Variants in PTPRD observed in about 807,000 individuals in gnomAD.
PTPRD encodes receptor-type tyrosine-protein phosphatase delta.
In PTPRD, 34 loss-of-function variants were observed where a neutral mutation model predicts 214.5. The observed-to-expected ratio is 0.16, with a 90% CI of 0.12 to 0.21. The LOEUF is 0.21. Among genes scored for constraint, PTPRD ranks in the 10% least tolerant of loss-of-function variants. The pLI is 1.00. For missense variants in PTPRD, 2,545 were observed against 2,398.7 expected, an observed-to-expected ratio of 1.06 and a Z score of -1.27; for synonymous variants, 1,128 against 845.7, an observed-to-expected ratio of 1.33 and a Z score of -5.79.
intron 9 of PTPRD, among the ~76,000 whole-genome samples, chr9:9,340,408 C>A (rs1172759669): frequency 6.6e-6 from 1 of 152,114 alleles, no homozygotes; most frequent in Non-Finnish European, 1.5e-5. Flanking sequence ...TCTTTTTAAC[C>A]TTTTAATTAT....
intron 12 of PTPRD, among the ~76,000 whole-genome samples, chr9:8,723,633 A>C (rs1048500373): frequency 6.6e-6 from 1 of 152,218 alleles, no homozygotes; most frequent in African/African-American, 2.4e-5. Flanking sequence ...ATAAGTATAG[A>C]TATTAGAGGA....
chr9:9,540,518 G>C (rs1273338084), intron 8 of PTPRD, among the ~76,000 whole-genome samples: 1 of 151,764 alleles, frequency 6.6e-6, no homozygotes, highest in African/African-American at 2.4e-5. Flanking sequence ...AGCACAGGTT[G>C]AAACAGCCAG....
chr9:9,620,741 C>T (rs1182876138), intron 7 of PTPRD, among the ~76,000 whole-genome samples: 1 of 152,028 alleles, frequency 6.6e-6, no homozygotes. Context: ...TATATGTTAG[C>T]TCTTCATTTC....
chr9:10,223,836 T>C (rs1437473039), intron 3 of PTPRD, among the ~76,000 whole-genome samples: 1 of 151,422 alleles, frequency 6.6e-6, no homozygotes, highest in African/African-American at 2.4e-5. Context: ...AACATGCTTT[T>C]GCAAATCCTG....
chr9:9,082,458 A>G (rs1302028803), intron 10 of PTPRD, among the ~76,000 whole-genome samples: 1 of 152,148 alleles, frequency 6.6e-6, no homozygotes, highest in African/African-American at 2.4e-5. Flanking sequence ...GTATTTTAAA[A>G]CAATAAGAGG....
chr9:8,436,560 A>T (rs1359117), intron 35 of PTPRD, 32 bp downstream of exon 35: 249,492 of 1,513,950 alleles, frequency 0.16, 23,559 homozygotes, highest in African/African-American at 0.37. Context: ...TAACTCTTGA[A>T]ATTACTGTAA....
At chr9:8,948,116 T>A (rs1161309238) in intron 11 of PTPRD, among the ~76,000 whole-genome samples, 1 of 150,688 alleles carries the variant, frequency 6.6e-6, no homozygotes, top group Non-Finnish European at 1.5e-5. Flanking sequence ...GCCTCCTGGG[T>A]TCGAGCGATT....
intron 10 of PTPRD, among the ~76,000 whole-genome samples, chr9:9,046,963 G>A (rs1052236713): frequency 2.2e-4 from 34 of 152,082 alleles, no homozygotes; most frequent in Admixed American, 7.2e-4. Flanking sequence ...AAATTGGAAT[G>A]GAAAAAGTCA....
At chr9:10,382,577 C>T (rs888715520) in intron 2 of PTPRD, among the ~76,000 whole-genome samples, 1 of 151,782 alleles carries the variant, frequency 6.6e-6, no homozygotes, top group Non-Finnish European at 1.5e-5. Flanking sequence ...TATCATATAC[C>T]CATGTCTACT....
At chr9:10,148,409 A>G (rs775749404) in intron 3 of PTPRD, among the ~76,000 whole-genome samples, 3 of 152,190 alleles carry the variant, frequency 2.0e-5, no homozygotes, top group Non-Finnish European at 2.9e-5. Context: ...CAAAAAGATT[A>G]CAGTCTAGAA....
intron 3 of PTPRD, among the ~76,000 whole-genome samples, chr9:10,334,207 G>A (rs924041764): frequency 4.0e-5 from 6 of 151,814 alleles, no homozygotes; most frequent in Admixed American, 3.3e-4. Flanking sequence ...CTGAAAAAAG[G>A]TTATAAGATA....
intron 9 of PTPRD, among the ~76,000 whole-genome samples, chr9:9,275,142 TA>T (rs1944830215): frequency 3.0e-5 from 2 of 66,674 alleles, no homozygotes; most frequent in Non-Finnish European, 5.0e-5. Context: ...ATATAATATA[TA>T]TATAATATAT....
chr9:8,607,176 G>T (rs1443143120), intron 14 of PTPRD, among the ~76,000 whole-genome samples: 1 of 152,074 alleles, frequency 6.6e-6, no homozygotes, highest in Admixed American at 6.6e-5. Context: ...CGGATATAAA[G>T]AATTCTCACC....
intron 5 of PTPRD, among the ~76,000 whole-genome samples, chr9:9,855,662 A>G (rs915838336): frequency 1.0e-3 from 159 of 152,284 alleles, no homozygotes; most frequent in African/African-American, 3.7e-3. Context: ...CCGCTTCCGC[A>G]CCTGCAGGAG....
rs1352308860 is a variant in PTPRD at position 8,540,443 on chromosome 9, C to G, written c.353-11664G>C. On this transcript the variant is annotated intron_variant, in intron 14 of 45. Coordinates refer to ENST00000381196, the MANE Select transcript of PTPRD (RefSeq NM_002839.4). Reference sequence around the variant, plus strand: ...TAAGGCATAAGTATTTAATTACAAACAATGAACAAAATTGAGTGATAACTC... The same window carrying G: ...TAAGGCATAAGTATTTAATTACAAAGAATGAACAAAATTGAGTGATAACTC... Among the ~76,000 whole-genome samples, 3 of 151,918 alleles carry G rather than the reference C, an allele frequency of 2.0e-5. No homozygotes were observed. In the East Asian group the frequency reaches 5.8e-4, roughly 29 times the overall value.
intron 7 of PTPRD, among the ~76,000 whole-genome samples, chr9:9,578,004 C>A (rs1260917543): frequency 8.3e-6 from 1 of 121,010 alleles, no homozygotes; most frequent in African/African-American, 3.2e-5. Flanking sequence ...CGAGATTGTA[C>A]TACTGCACTC....
At chr9:8,635,764 G>A (rs1049218826) in intron 13 of PTPRD, among the ~76,000 whole-genome samples, 1 of 152,072 alleles carries the variant, frequency 6.6e-6, no homozygotes, top group Non-Finnish European at 1.5e-5. Flanking sequence ...CAGTTTGGGG[G>A]TATTGGTAGC....
At chr9:8,434,058 C>A (rs1012305279) in intron 35 of PTPRD, among the ~76,000 whole-genome samples, 1 of 152,188 alleles carries the variant, frequency 6.6e-6, no homozygotes, top group Non-Finnish European at 1.5e-5. Flanking sequence ...CCTTGGCTCA[C>A]TGCAACCTCT....
chr9:8,559,959 A>C (rs1470992998), intron 14 of PTPRD, among the ~76,000 whole-genome samples: 2 of 152,226 alleles, frequency 1.3e-5, no homozygotes, highest in Admixed American at 1.3e-4. Context: ...ACAAAGTAAT[A>C]GTGTATTGAT....
Sources: allele counts gnomAD v4.1 joint callset (sites outside exome capture counted in the v4.1 genomes callset), GRCh38; gene constraint gnomAD v4.1.1; transcripts MANE v1.5; gene names NCBI Gene and HGNC (gene_info 2026-07-23, HGNC 2026-07-21).